KALRN: variants seen among roughly 807,000 people sequenced by gnomAD.
The protein encoded by KALRN is kalirin.
Under a neutral mutation model 353.7 loss-of-function variants are expected in KALRN, and 70 were observed. That is an observed-to-expected ratio of 0.20 (90% CI 0.16 to 0.24). KALRN has a LOEUF of 0.24. Ranked by LOEUF, KALRN falls within the 10% of genes least tolerant of loss-of-function variation. The pLI is 1.00. For synonymous variants in KALRN, 1,391 were observed against 1,434.8 expected (o/e 0.97, Z 0.69); for missense variants, 2,791 against 3,756.7 (o/e 0.74, Z 6.72).
At chr3:124,694,532 A>G (rs768700383) in intron 53 of KALRN, 29 bp downstream of exon 53, 1 of 1,604,034 alleles carries the variant, frequency 6.2e-7, no homozygotes, top group East Asian at 2.2e-5. Flanking sequence ...CATCAGCAAC[A>G]GCAGCCCCTT....
intron 28 of KALRN, among the ~76,000 whole-genome samples, chr3:124,487,334 T>G (rs1256420967): frequency 6.6e-6 from 1 of 152,076 alleles, no homozygotes; most frequent in Non-Finnish European, 1.5e-5. Flanking sequence ...TGACTGAGTC[T>G]CCAATGAGGA....
rs771065024 is a variant in KALRN at position 124,434,372 on chromosome 3, C to T, written c.2895C>T (p.Ala965=). The change falls in exon 17 of 60, where the codon GCC becomes GCT. Residue 965 remains alanine, a synonymous_variant. Coordinates refer to ENST00000682506, the MANE Select transcript of KALRN (RefSeq NM_001388419.1). ...GTGCCCTGCAGGTACAGCAGAAAGC[C>T]GAGGTGCTGCTCCAGGCCGGCCACT... is the stretch of plus-strand genomic sequence containing the variant. ...HQSALQVQQK[A]EVLLQAGHYD... is the part of the protein sequence containing the mutation. 1.7e-5 allele frequency: 27 copies of T among 1,613,770 alleles called. No homozygotes were observed. The highest frequency in any genetic ancestry group is 6.7e-5 in the Admixed American group (4 of 60,012).
chr3:124,518,749 TG>T (rs1291210812), intron 33 of KALRN: 14 of 1,357,970 alleles, frequency 1.0e-5, no homozygotes, highest in Non-Finnish European at 1.3e-5. Flanking sequence ...AGAGGCCCAA[TG>T]GCCCAATGTA....
intron 1 of KALRN, among the ~76,000 whole-genome samples, chr3:124,115,755 TAATA>T (rs2063399168): frequency 6.6e-6 from 1 of 152,192 alleles, no homozygotes; most frequent in Non-Finnish European, 1.5e-5. Flanking sequence ...GGGCAGCAAC[TAATA>T]AATGAATGGT....
At chr3:124,037,422 G>A (rs963153697) in intron 1 of KALRN, among the ~76,000 whole-genome samples, 2 of 152,178 alleles carry the variant, frequency 1.3e-5, no homozygotes, top group Non-Finnish European at 2.9e-5. Context: ...AGTGAGGAAT[G>A]GGAAACAGGA....
At chr3:124,222,405 G>A (rs1341009260) in intron 1 of KALRN, among the ~76,000 whole-genome samples, 2 of 152,210 alleles carry the variant, frequency 1.3e-5, no homozygotes, top group Admixed American at 1.3e-4. Context: ...GGGCAGTGGA[G>A]AGGGGTCTTC....
At chr3:124,120,965 C>G (rs750624903) in intron 1 of KALRN, among the ~76,000 whole-genome samples, 1 of 150,654 alleles carries the variant, frequency 6.6e-6, no homozygotes, top group South Asian at 2.1e-4. Flanking sequence ...CGTGGTGGTG[C>G]ACCCTGTAAT....
At chr3:124,087,744 G>A (rs780520845) in intron 1 of KALRN, among the ~76,000 whole-genome samples, 2 of 152,074 alleles carry the variant, frequency 1.3e-5, no homozygotes, top group Non-Finnish European at 2.9e-5. Context: ...GACTAGCTGG[G>A]GGTCTCAACC....
rs573587426 is a variant in KALRN, at chr3:124,526,187, A to C, written c.4935+29774A>C. Among the ~76,000 whole-genome samples the C allele has an allele frequency of 2.6e-5, 4 of 152,352 alleles. No homozygotes were observed. The South Asian group carries it at 8.3e-4, about 32-fold the overall frequency. On this transcript the variant is annotated intron_variant, in intron 33 of 59. Transcript: ENST00000682506. ...AGGGGATTGCTTAGATCATCACCACATGCCAGTTTCCCAACATGCCTCAGA... is the reference window on the plus strand; with the variant it reads ...AGGGGATTGCTTAGATCATCACCACCTGCCAGTTTCCCAACATGCCTCAGA...
At chr3:124,469,884 C>G (rs750628790) in intron 25 of KALRN, among the ~76,000 whole-genome samples, 25 of 152,214 alleles carry the variant, frequency 1.6e-4, no homozygotes, top group Non-Finnish European at 3.4e-4. Flanking sequence ...GAAGGATACA[C>G]TTCCCCAGAA....
intron 5 of KALRN, among the ~76,000 whole-genome samples, chr3:124,296,520 GC>G (rs753827603): frequency 1.3e-5 from 2 of 152,142 alleles, no homozygotes; most frequent in East Asian, 3.9e-4. Flanking sequence ...TTCAGTAGCA[GC>G]CTTCTAGCCA....
chr3:124,170,544 T>C (rs964928976), intron 1 of KALRN, among the ~76,000 whole-genome samples: 1 of 152,146 alleles, frequency 6.6e-6, no homozygotes, highest in African/African-American at 2.4e-5. Flanking sequence ...TGGAATTCTT[T>C]TAAAAGGCAA....
chr3:124,445,801 T>C (rs1214520429), intron 19 of KALRN, among the ~76,000 whole-genome samples: 1 of 152,220 alleles, frequency 6.6e-6, no homozygotes. Flanking sequence ...CCACCCATGC[T>C]CATTAGACTC....
chr3:124,524,851 G>A (rs773329365), intron 33 of KALRN, among the ~76,000 whole-genome samples: 1 of 152,216 alleles, frequency 6.6e-6, no homozygotes, highest in Non-Finnish European at 1.5e-5. Flanking sequence ...TGCAGTCAGA[G>A]TTAAAGATAA....
chr3:124,495,566 G>A (rs143659611), intron 32 of KALRN, among the ~76,000 whole-genome samples: 12 of 151,504 alleles, frequency 7.9e-5, no homozygotes, highest in African/African-American at 1.5e-4. Context: ...GTGAAACCAC[G>A]TCTCCACAAA....
intron 1 of KALRN, among the ~76,000 whole-genome samples, chr3:124,054,044 A>G (rs180820665): frequency 5.3e-4 from 80 of 152,330 alleles, no homozygotes; most frequent in African/African-American, 1.9e-3. Context: ...ATTGTTCTAG[A>G]TAAGCCACAG....
intron 1 of KALRN, among the ~76,000 whole-genome samples, chr3:124,085,044 C>T (rs1476429243): frequency 6.6e-6 from 1 of 152,196 alleles, no homozygotes; most frequent in African/African-American, 2.4e-5. Flanking sequence ...TTACCCTGTG[C>T]CACCTCCCAC....
rs765751216 is a variant in KALRN, at chr3:124,719,323, G to A, written c.8814G>A (p.Leu2938=). Residue 2938 remains leucine, a synonymous_variant, in exon 60 of 60, where the codon CTG becomes CTA. Transcript: ENST00000682506. The surrounding 1 kb of genome is among the most constrained non-coding windows in gnomAD (Gnocchi z 5.3). ...TAATCLQHPW[L]QPHNGSYSKI... ...CCACATGCTTGCAGCATCCATGGCT[G>A]CAGCCCCATAATGGCAGCTACTCTA... is the stretch of plus-strand genomic sequence containing the variant. 5.0e-6 allele frequency: 8 copies of A among 1,614,106 alleles called. No individual in the cohort carries two copies. In the African/African-American group the frequency reaches 5.3e-5, roughly 11 times the overall value.
intron 45 of KALRN, among the ~76,000 whole-genome samples, chr3:124,664,939 G>A (rs1242322652): frequency 6.6e-6 from 1 of 152,170 alleles, no homozygotes; most frequent in African/African-American, 2.4e-5. Flanking sequence ...CCCATGATAG[G>A]TTCTTGTGTA....
Sources: allele counts gnomAD v4.1 joint callset (sites outside exome capture counted in the v4.1 genomes callset), GRCh38; gene constraint gnomAD v4.1.1; non-coding constraint Gnocchi (gnomAD v3.1); transcripts MANE v1.5; gene names NCBI Gene and HGNC (gene_info 2026-07-23, HGNC 2026-07-21).